The following CDC27 variants were observed in gnomAD, a reference collection of about 807,000 sequenced individuals.
CDC27 encodes the protein cell division cycle 27, also known as cell division cycle protein 27 homolog.
In CDC27, 27 loss-of-function variants were observed where a neutral mutation model predicts 109.7. The observed-to-expected ratio is 0.25, with a 90% confidence interval of 0.18 to 0.34. CDC27 has a LOEUF of 0.34. Among genes scored for constraint, CDC27 ranks in the 10% least tolerant of loss-of-function variants. The probability of loss-of-function intolerance (pLI) is 1.00; values close to 1 mark genes in which losing one functional copy is unlikely to be tolerated. For synonymous variants in CDC27, 266 were observed against 333.9 expected, an observed-to-expected ratio of 0.80 and a Z score of 2.22; for missense variants, 579 against 960.2, an observed-to-expected ratio of 0.60 and a Z score of 5.25.
chr17:47,181,263 A>AAAC, intron 2 of CDC27: 1 of 129,210 alleles, frequency 7.7e-6, no homozygotes, highest in African/African-American at 3.3e-5. Flanking sequence ...TCAAAAAAAA[A>AAAC]AAAAAAAAAA....
intron 8 of CDC27, 26 bp from the exon 9 acceptor site, chr17:47,151,944 T>C: frequency 6.3e-7 from 1 of 1,591,218 alleles, no homozygotes; most frequent in South Asian, 1.2e-5. Flanking sequence ...AGTCTAAGGT[T>C]TGTGAATTAT....
At chr17:47,150,039 TG>T (rs769232526) in intron 9 of CDC27, among the ~76,000 whole-genome samples, 3 of 152,124 alleles carry the variant, frequency 2.0e-5, no homozygotes, top group Admixed American at 6.5e-5. Context: ...TAATGCACTG[TG>T]GGGTTTATAA....
intron 9 of CDC27, among the ~76,000 whole-genome samples, chr17:47,149,143 A>C (rs1035692942): frequency 6.6e-6 from 1 of 152,052 alleles, no homozygotes; most frequent in African/African-American, 2.4e-5. Flanking sequence ...TTCAAAAATA[A>C]AGATGAAATA....
intron 14 of CDC27, among the ~76,000 whole-genome samples, chr17:47,133,131 ATAT>A (rs2062442318): frequency 8.4e-6 from 1 of 118,452 alleles, no homozygotes; most frequent in Non-Finnish European, 1.7e-5. Flanking sequence ...ATATATATAT[ATAT>A]ATAATATATA....
chr17:47,153,511 C>T (rs934922319), intron 8 of CDC27, among the ~76,000 whole-genome samples: 1 of 152,076 alleles, frequency 6.6e-6, no homozygotes, highest in Non-Finnish European at 1.5e-5. Flanking sequence ...ATAGAAAAAT[C>T]TTTTGCAGAT....
At chr17:47,123,415 T>C (rs960521374) in intron 17 of CDC27, among the ~76,000 whole-genome samples, 4 of 149,758 alleles carry the variant, frequency 2.7e-5, no homozygotes, top group African/African-American at 9.8e-5. Flanking sequence ...TTTTTTTTTT[T>C]TTTTTTTCTT....
chr17:47,129,191 A>G (rs2062240918), intron 16 of CDC27, among the ~76,000 whole-genome samples: 2 of 152,228 alleles, frequency 1.3e-5, no homozygotes, highest in Admixed American at 6.5e-5. Context: ...ACAAGGGATA[A>G]CTATATATTC....
intron 1 of CDC27, chr17:47,188,787 G>T: frequency 8.7e-7 from 1 of 1,148,344 alleles, no homozygotes; most frequent in African/African-American, 1.6e-5. Flanking sequence ...TGTGCTTCTC[G>T]ATCATCTTTT....
At chr17:47,139,014 A>G in intron 12 of CDC27, 123 bp from the exon 13 acceptor site, 1 of 616,962 alleles carries the variant, frequency 1.6e-6, no homozygotes, top group Non-Finnish European at 2.7e-6. Flanking sequence ...TTTTTATGTG[A>G]ATGAGTATTA....
chr17:47,177,452 T>C (rs1567717261), intron 2 of CDC27, among the ~76,000 whole-genome samples: 1 of 152,050 alleles, frequency 6.6e-6, no homozygotes, highest in Non-Finnish European at 1.5e-5. Flanking sequence ...CCGCAGGCGC[T>C]TATAATCCCA....
chr17:47,127,090 G>A (rs1002536844), intron 16 of CDC27, among the ~76,000 whole-genome samples: 2 of 152,086 alleles, frequency 1.3e-5, no homozygotes, highest in African/African-American at 4.8e-5. Flanking sequence ...CACGGCACCT[G>A]GCCCTAAAAG....
At chr17:47,164,864 T>C (rs962957482) in intron 4 of CDC27, among the ~76,000 whole-genome samples, 1 of 152,164 alleles carries the variant, frequency 6.6e-6, no homozygotes, top group Non-Finnish European at 1.5e-5. Context: ...ACAGAGCTTA[T>C]TTGAATTTTA....
At chr17:47,185,536 A>G (rs1016578554) in intron 1 of CDC27, among the ~76,000 whole-genome samples, 23 of 152,072 alleles carry the variant, frequency 1.5e-4, no homozygotes, top group Admixed American at 1.3e-3. Flanking sequence ...AAATTTGTTT[A>G]CTTGTTTTTG....
intron 15 of CDC27, 48 bp downstream of exon 15, chr17:47,132,209 T>C: frequency 2.3e-6 from 2 of 864,612 alleles, no homozygotes; most frequent in Non-Finnish European, 3.6e-6. Context: ...AACAAACATA[T>C]TTCAAAAGGG....
At chr17:47,175,844 A>T (rs2063986230) in intron 2 of CDC27, among the ~76,000 whole-genome samples, 1 of 152,298 alleles carries the variant, frequency 6.6e-6, no homozygotes. Context: ...CAAATCGATT[A>T]TCTGTTAAGT....
intron 15 of CDC27, among the ~76,000 whole-genome samples, chr17:47,129,890 T>A (rs1446714819): frequency 6.6e-6 from 1 of 152,178 alleles, no homozygotes; most frequent in Non-Finnish European, 1.5e-5. Flanking sequence ...AAGCAAAACC[T>A]TGGTGTTCTA....
Position 47,120,853 on chromosome 17 carries a change from A to T in CDC27, c.*82T>A. ...CGGACGATGACACCGCCAGCTCAAG[A>T]GTAAAGACTCAGTATACAGAGGGAC... On this transcript the variant is annotated 3_prime_UTR_variant, in exon 19 of 19. Transcript: ENST00000066544. 1 of 963,594 alleles carries T rather than the reference A, an allele frequency of 1.0e-6. No homozygotes were observed. Among genetic ancestry groups the T allele is most frequent in the Non-Finnish European group, 1.6e-6 (1 of 607,800 alleles). The allele number at this position is 963,594 out of a possible 1,614,324, so 59.7% of individuals were successfully genotyped here.
At chr17:47,133,586 T>C (rs541976195) in intron 14 of CDC27, among the ~76,000 whole-genome samples, 1 of 151,762 alleles carries the variant, frequency 6.6e-6, no homozygotes, top group South Asian at 2.1e-4. Flanking sequence ...ATTACAGGCA[T>C]GCGCCACCAC....
chr17:47,142,030 G>A lies in CDC27; in HGVS notation c.1379-5C>T, dbSNP rs755391686. The A allele has an allele frequency of 6.3e-7, 1 of 1,575,226 alleles. No individual in the cohort carries two copies. The highest frequency in any genetic ancestry group is 8.6e-7 in the Non-Finnish European group (1 of 1,164,246). ...GAAGAAGGCTCATCAAACCTTCTAG[G>A]AGAAAACAACATAGTAAACAAAGGA... On this transcript the variant is annotated splice_region_variant and splice_polypyrimidine_tract_variant and intron_variant, in intron 11 of 18. Transcript: ENST00000066544.
Sources: gnomAD v4.1 joint callset for allele counts (sites outside exome capture counted in the v4.1 genomes callset) on GRCh38, gnomAD v4.1.1 for gene constraint, MANE v1.5 for transcripts, NCBI Gene and HGNC (gene_info 2026-07-23, HGNC 2026-07-21) for gene names.